RANBP2: variants seen among roughly 807,000 people sequenced by gnomAD.
The protein encoded by RANBP2 is E3 SUMO-protein ligase RanBP2.
RANBP2 carries 57 observed loss-of-function variants against 303.6 expected under a neutral mutation model. The observed-to-expected ratio is 0.19, with a 90% CI of 0.15 to 0.23. The LOEUF is 0.23. Ranked by LOEUF, RANBP2 falls within the 10% of genes least tolerant of loss-of-function variation. The pLI is 1.00. For synonymous variants in RANBP2, 1,167 were observed against 1,301.5 expected (o/e 0.90, Z 2.23); for missense variants, 3,138 against 3,780.8 (o/e 0.83, Z 4.46).
the RANBP2 span, among the ~76,000 whole-genome samples, chr2:108,864,726 G>A: frequency 2.0e-5 from 3 of 151,736 alleles, no homozygotes; most frequent in Admixed American, 1.3e-4. Flanking sequence ...CCCAGGAGGC[G>A]GAGGTTGCAG....
chr2:109,029,462 A>G, the RANBP2 span, among the ~76,000 whole-genome samples: 1 of 152,210 alleles, frequency 6.6e-6, no homozygotes, highest in Non-Finnish European at 1.5e-5. Context: ...GCCTGAAGTT[A>G]TTGAAGGGTG....
the RANBP2 span, among the ~76,000 whole-genome samples, chr2:109,579,031 T>C: frequency 6.6e-6 from 1 of 152,094 alleles, no homozygotes; most frequent in Non-Finnish European, 1.5e-5. Flanking sequence ...TGACAACACT[T>C]TGTCAAGACT....
chr2:108,746,594 A>G (rs371079484), intron 7 of RANBP2, 117 bp from the exon 8 acceptor site: 38 of 726,614 alleles, frequency 5.2e-5, no homozygotes, highest in East Asian at 4.7e-4. Context: ...ATTCAGTTTA[A>G]TTAATGGTTA....
At chr2:109,476,130 T>C in the RANBP2 span, among the ~76,000 whole-genome samples, 8 of 152,238 alleles carry the variant, frequency 5.3e-5, no homozygotes, top group Admixed American at 1.3e-4. Flanking sequence ...AAGAGGAAAT[T>C]ATTTAAAATT....
chr2:109,761,851 T>C, the RANBP2 span, among the ~76,000 whole-genome samples: 1 of 151,210 alleles, frequency 6.6e-6, no homozygotes, highest in African/African-American at 2.4e-5. Context: ...TTTTTTCCTT[T>C]TGCTTTAATT....
the RANBP2 span, among the ~76,000 whole-genome samples, chr2:109,033,128 C>G: frequency 6.6e-6 from 1 of 152,228 alleles, no homozygotes; most frequent in Admixed American, 6.5e-5. Context: ...ATTACTCAGC[C>G]AGACACTTCT....
At chr2:108,756,648 A>G (rs1676335754) in intron 17 of RANBP2, among the ~76,000 whole-genome samples, 1 of 152,164 alleles carries the variant, frequency 6.6e-6, no homozygotes, top group South Asian at 2.1e-4. Flanking sequence ...GGCTCCCAAC[A>G]TTGTATTCTG....
chr2:109,396,069 CAGTG>C, the RANBP2 span, among the ~76,000 whole-genome samples: 1 of 152,158 alleles, frequency 6.6e-6, no homozygotes, highest in African/African-American at 2.4e-5. Flanking sequence ...GCTCCGATGC[CAGTG>C]AGTGAGACGA....
In RANBP2 at chr2:108,765,591, A is replaced by G; in HGVS notation, c.5052A>G (p.Lys1684=). 2 of 1,457,854 alleles carry G rather than the reference A, an allele frequency of 1.4e-6. No homozygotes were observed. 90.3% of individuals were successfully genotyped at this position (1,457,854 alleles called of 1,614,324 possible). Residue 1684 remains lysine, a synonymous_variant, in exon 20 of 29, where the codon AAA becomes AAG. Coordinates refer to ENST00000283195, the MANE Select transcript of RANBP2 (RefSeq NM_006267.5). ...CLVRNEASAT[K]CIACQNPGKQ... ...TAAGAAATGAAGCCAGTGCTACCAAATGTATTGCTTGTCAGAATCCAGGTA... is the reference window on the plus strand; with the variant it reads ...TAAGAAATGAAGCCAGTGCTACCAAGTGTATTGCTTGTCAGAATCCAGGTA...
chr2:109,408,700 A>G, the RANBP2 span, among the ~76,000 whole-genome samples: 4 of 152,226 alleles, frequency 2.6e-5, no homozygotes, highest in Non-Finnish European at 4.4e-5. Context: ...GAGCTGAACA[A>G]AAGGATTTTT....
the RANBP2 span, among the ~76,000 whole-genome samples, chr2:109,116,348 C>G: frequency 6.6e-6 from 1 of 152,078 alleles, no homozygotes; most frequent in Non-Finnish European, 1.5e-5. Flanking sequence ...TCTTTTTTCT[C>G]TAAACTTCCC....
the RANBP2 span, among the ~76,000 whole-genome samples, chr2:109,704,135 C>T: frequency 1.3e-5 from 2 of 152,204 alleles, no homozygotes; most frequent in Admixed American, 6.5e-5. Flanking sequence ...TCCCCCACAT[C>T]TGGAAGTGGG....
chr2:109,220,305 C>G, the RANBP2 span, among the ~76,000 whole-genome samples: 1 of 152,064 alleles, frequency 6.6e-6, no homozygotes, highest in Non-Finnish European at 1.5e-5. Context: ...AACATAAGAG[C>G]TAAAATTATA....
the RANBP2 span, among the ~76,000 whole-genome samples, chr2:109,090,885 C>T: frequency 2.0e-5 from 3 of 152,148 alleles, no homozygotes; most frequent in Non-Finnish European, 2.9e-5. Flanking sequence ...ATACAGCACA[C>T]TATTTTTTCA....
the RANBP2 span, among the ~76,000 whole-genome samples, chr2:109,727,231 C>G: frequency 6.6e-6 from 1 of 152,134 alleles, no homozygotes; most frequent in Non-Finnish European, 1.5e-5. Context: ...AAAACAACAA[C>G]GAACTGTTTA....
At chr2:109,527,561 A>G in the RANBP2 span, among the ~76,000 whole-genome samples, 1 of 152,234 alleles carries the variant, frequency 6.6e-6, no homozygotes, top group Non-Finnish European at 1.5e-5. Flanking sequence ...CACTGGACCC[A>G]CAGCCACATT....
At chr2:109,685,214 A>G in the RANBP2 span, among the ~76,000 whole-genome samples, 1 of 152,182 alleles carries the variant, frequency 6.6e-6, no homozygotes, top group Non-Finnish European at 1.5e-5. Context: ...CATTGTGCAG[A>G]TGTGCACATG....
At chr2:109,077,690 C>T in the RANBP2 span, among the ~76,000 whole-genome samples, 2 of 150,082 alleles carry the variant, frequency 1.3e-5, no homozygotes, top group Admixed American at 6.6e-5. Flanking sequence ...ATACAAATGT[C>T]CAATAGGTAT....
At chr2:109,335,651 G>A in the RANBP2 span, among the ~76,000 whole-genome samples, 1 of 151,998 alleles carries the variant, frequency 6.6e-6, no homozygotes, top group African/African-American at 2.4e-5. Context: ...TTTTGTTGCT[G>A]TCCCCCTGGC....
Sources: allele counts gnomAD v4.1 joint callset (sites outside exome capture counted in the v4.1 genomes callset), GRCh38; gene constraint gnomAD v4.1.1; transcripts MANE v1.5; gene names NCBI Gene and HGNC (gene_info 2026-07-23, HGNC 2026-07-21).